Variants in HLTF observed in about 807,000 individuals in gnomAD.
HLTF encodes the protein DNA-dependent ATPase/E3 ubiquitin-protein ligase HLTF.
HLTF carries 127 observed loss-of-function variants against 129.4 expected under a neutral mutation model. That is an observed-to-expected ratio of 0.98 (90% CI 0.85 to 1.14). The LOEUF (loss-of-function observed/expected upper bound fraction) is 1.14, where lower values mean the gene tolerates loss of function less well. Among genes scored for constraint, HLTF ranks in the 50% most tolerant of loss-of-function variants. HLTF has a pLI of 0.00. For synonymous variants in HLTF, 332 were observed against 388.8 expected (o/e 0.85, Z 1.72); for missense variants, 1,139 against 1,187.1 (o/e 0.96, Z 0.60).
chr3:149,060,531 G>C, intron 12 of HLTF, 112 bp downstream of exon 12: 1 of 804,838 alleles, frequency 1.2e-6, no homozygotes, highest in Non-Finnish European at 2.0e-6. Flanking sequence ...GTAAACATCA[G>C]CCAAGTTTAA....
chr3:149,066,641 T>A (rs899123665), intron 8 of HLTF, among the ~76,000 whole-genome samples: 3 of 152,132 alleles, frequency 2.0e-5, no homozygotes, highest in Admixed American at 2.0e-4. Flanking sequence ...AAACACACTT[T>A]AAATATATAA....
rs1249380813 is a variant in HLTF, at chr3:149,086,349, G to T, written c.-13C>A. ...ACATCCAGGACATGGCGCTGAGTGG[G>T]ATGACAAGAGGAGCGCCTCGGCTCC... On this transcript the variant is annotated 5_prime_UTR_variant, in exon 1 of 25. Coordinates refer to ENST00000310053, the MANE Select transcript of HLTF (RefSeq NM_003071.4). 3 of 1,589,282 alleles carry T rather than the reference G, an allele frequency of 1.9e-6. No homozygotes were observed. The highest frequency in any genetic ancestry group is 2.6e-6 in the Non-Finnish European group (3 of 1,167,494).
At chr3:149,040,784 G>C (rs1296283865) in intron 20 of HLTF, among the ~76,000 whole-genome samples, 1 of 152,076 alleles carries the variant, frequency 6.6e-6, no homozygotes, top group Non-Finnish European at 1.5e-5. Context: ...GTTGGGAGGG[G>C]CCACAAGGGG....
At chr3:149,051,296 G>A (rs1171142442) in intron 14 of HLTF, among the ~76,000 whole-genome samples, 1 of 151,200 alleles carries the variant, frequency 6.6e-6, no homozygotes, top group Non-Finnish European at 1.5e-5. Flanking sequence ...GAATATTTTA[G>A]ACCTTTATCA....
At chr3:149,032,957 CAAAAAAAAAAAAAA>C (rs67952189) in intron 24 of HLTF, among the ~76,000 whole-genome samples, 6 of 67,718 alleles carry the variant, frequency 8.9e-5, no homozygotes, top group Middle Eastern at 7.5e-3. Flanking sequence ...AGCGACGTCT[CAAAAAAAAAAAAAA>C]AAAAAACAAA....
intron 2 of HLTF, among the ~76,000 whole-genome samples, chr3:149,078,177 A>G (rs2108063387): frequency 6.6e-6 from 1 of 152,338 alleles, no homozygotes; most frequent in South Asian, 2.1e-4. Context: ...AAAAAAAGCA[A>G]TCAATGTCAA....
chr3:149,046,126 T>G lies in HLTF; in HGVS notation c.2026A>C (p.Lys676Gln). ...QHITLSDEER[K>Q]IYQSVKNEGR... is the part of the protein sequence containing the mutation. ...TCATTTTTCACAGACTGATAAATCT[T>G]TCTCTCTTCATCTGAAAGTGTAATG... Residue 676 changes from lysine to glutamine, a missense_variant, in exon 18 of 25, where the codon AAG (lysine) becomes CAG (glutamine). By Grantham distance (53) the Lys-to-Gln change is moderately conservative (BLOSUM62 1). Coordinates refer to ENST00000310053, the MANE Select transcript of HLTF (RefSeq NM_003071.4). The G allele has an allele frequency of 1.2e-6, 2 of 1,611,814 alleles. No homozygotes were observed. Among genetic ancestry groups the G allele is most frequent in the Non-Finnish European group, 1.7e-6 (2 of 1,178,830 alleles).
At chr3:149,077,466 CA>C (rs1225590655) in intron 2 of HLTF, among the ~76,000 whole-genome samples, 2 of 151,642 alleles carry the variant, frequency 1.3e-5, no homozygotes, top group Non-Finnish European at 2.9e-5. Flanking sequence ...TCACCAAGTA[CA>C]AAAAAACCTC....
chr3:149,067,869 G>A (rs1340961224), intron 8 of HLTF, among the ~76,000 whole-genome samples: 1 of 152,076 alleles, frequency 6.6e-6, no homozygotes, highest in Non-Finnish European at 1.5e-5. Flanking sequence ...TGTGATACCT[G>A]CTGGTGGCTC....
At chr3:149,063,204 C>G (rs372062942) in intron 10 of HLTF, 1 of 440,066 alleles carries the variant, frequency 2.3e-6, no homozygotes, top group Non-Finnish European at 4.3e-6. Context: ...GGACTACAGG[C>G]GCCCACGACC....
At position 149,074,446 on chromosome 3, in the gene HLTF, T is replaced by A; in HGVS notation, c.396-98A>T. The A allele has an allele frequency of 2.6e-6, 3 of 1,157,544 alleles. No homozygotes were observed. In the South Asian group the frequency reaches 6.1e-5, roughly 23 times the overall value. 71.7% of individuals were successfully genotyped at this position (1,157,544 alleles called of 1,614,324 possible). A position where few individuals can be genotyped will look rare whatever the true frequency, so the allele number is the denominator to read the frequency against. On this transcript the variant is annotated intron_variant, in intron 3 of 24. Transcript: ENST00000310053. ...TATTTTAAGTGTATCATTTACATTT[T>A]ACATTGAAGTAAAGTAATAAGGAAC...
intron 2 of HLTF, among the ~76,000 whole-genome samples, chr3:149,081,936 TAC>T (rs1719907254): frequency 1.3e-5 from 2 of 152,306 alleles, no homozygotes; most frequent in East Asian, 1.9e-4. Flanking sequence ...TCCAGAAAAT[TAC>T]AGTTACAATT....
At position 149,074,213 on chromosome 3, in the gene HLTF, A is replaced by C. The variant is rs770828196; in HGVS notation, c.529+2T>G. 1 of 1,610,230 alleles carries C rather than the reference A, an allele frequency of 6.2e-7. No homozygotes were observed. The highest frequency in any genetic ancestry group is 1.7e-4 in the Middle Eastern group (1 of 6,000). On this transcript the variant is annotated splice_donor_variant, in intron 4 of 24. Coordinates refer to ENST00000310053, the MANE Select transcript of HLTF (RefSeq NM_003071.4). LOFTEE classifies it high-confidence loss of function. The stretch of plus-strand genomic sequence containing the variant: ...TAATATTAAGTGAAACCCTAAACTT[A>C]CTTTTTGGTGCAGGACCCAATTTAA...
At chr3:149,038,551 G>C (rs1253273286) in intron 23 of HLTF, among the ~76,000 whole-genome samples, 1 of 151,746 alleles carries the variant, frequency 6.6e-6, no homozygotes, top group African/African-American at 2.4e-5. Flanking sequence ...CACCCAGGCT[G>C]GAGTGCAGTG....
At chr3:149,077,627 C>T (rs1382911692) in intron 2 of HLTF, among the ~76,000 whole-genome samples, 1 of 151,164 alleles carries the variant, frequency 6.6e-6, no homozygotes, top group Non-Finnish European at 1.5e-5. Context: ...CTTTGAAAAG[C>T]TCCAGTGTAT....
chr3:149,051,533 T>C lies in HLTF; in HGVS notation c.1474-1158A>G, dbSNP rs540760666. ...TATGTAAGGAGAAGACTTGTTTTTA[T>C]TGGGAGAAAACACATGATGCCTGGG... On this transcript the variant is annotated intron_variant, in intron 14 of 24. Transcript: ENST00000310053. 2.0e-4 allele frequency among the ~76,000 whole-genome samples: 31 copies of C among 152,284 alleles called. No individual in the cohort carries two copies. The East Asian group carries it at 6.0e-3, about 29-fold the overall frequency.
intron 13 of HLTF, among the ~76,000 whole-genome samples, chr3:149,056,832 G>T (rs886114793): frequency 2.7e-5 from 4 of 150,922 alleles, no homozygotes; most frequent in African/African-American, 9.8e-5. Context: ...AGAATGGGCC[G>T]GGCGCGGTGG....
chr3:149,061,977 G>A (rs1375889669), intron 10 of HLTF, among the ~76,000 whole-genome samples: 2 of 152,156 alleles, frequency 1.3e-5, no homozygotes, highest in African/African-American at 4.8e-5. Context: ...TGTGTAGAAA[G>A]TTTAACAGTG....
intron 5 of HLTF, among the ~76,000 whole-genome samples, chr3:149,072,108 G>A (rs998760073): frequency 2.6e-5 from 4 of 151,986 alleles, no homozygotes; most frequent in African/African-American, 9.7e-5. Context: ...CTAGTCAAAC[G>A]CCAAAAAGGC....
Sources: gnomAD v4.1 joint callset for allele counts (sites outside exome capture counted in the v4.1 genomes callset) on GRCh38, gnomAD v4.1.1 for gene constraint, MANE v1.5 for transcripts, NCBI Gene and HGNC (gene_info 2026-07-23, HGNC 2026-07-21) for gene names.